SUPT16H: variants seen among roughly 807,000 people sequenced by gnomAD.
The protein encoded by SUPT16H is SPT16 homolog, facilitates chromatin remodeling subunit.
In SUPT16H, 24 loss-of-function variants were observed where a neutral mutation model predicts 136.2. That is an observed-to-expected ratio of 0.18 (90% confidence interval 0.13 to 0.25). SUPT16H has a LOEUF of 0.25. Among genes scored for constraint, SUPT16H ranks in the 10% least tolerant of loss-of-function variants. The pLI, the probability that SUPT16H is intolerant of heterozygous loss-of-function variation, is 1.00. For missense variants in SUPT16H, 623 were observed against 1,270.2 expected (o/e 0.49, Z 7.74); for synonymous variants, 415 against 428.2 (o/e 0.97, Z 0.38).
At chr14:21,381,360 T>C (rs1229121196) in intron 1 of SUPT16H, among the ~76,000 whole-genome samples, 1 of 152,194 alleles carries the variant, frequency 6.6e-6, no homozygotes, top group East Asian at 1.9e-4. Context: ...TAGGTAAGGT[T>C]AATTCCTATT....
chr14:21,368,238 C>CTTCCACT (rs777086171), intron 7 of SUPT16H, 31 bp downstream of exon 7: 2 of 1,588,954 alleles, frequency 1.3e-6, no homozygotes, highest in East Asian at 4.5e-5. Flanking sequence ...TGTTACACAA[C>CTTCCACT]TTTCAAACCT....
Position 21,362,942 on chromosome 14 carries a change from C to T in SUPT16H, c.1517G>A (p.Arg506His), listed in dbSNP as rs1185247895. The change falls in exon 14 of 26, where the codon CGC (arginine) becomes CAC (histidine). Residue 506 changes from arginine to histidine, a missense_variant. Around this residue, in one of 7 missense-constraint regions of SUPT16H, gnomAD observed 30 missense variants for 44.8 expected, o/e 0.67. Transcript: ENST00000216297. Reference sequence around the variant, plus strand: ...GTTTTTATAGGACACATTAGACTTGCGAGCTCTGGAGTGGGATAAAAAAAC... The same window carrying T: ...GTTTTTATAGGACACATTAGACTTGTGAGCTCTGGAGTGGGATAAAAAAAC... ...QKGEQQIQKA[R>H]KSNVSYKNPS... The T allele has an allele frequency of 4.3e-6, 7 of 1,613,170 alleles. No homozygotes were observed. Among genetic ancestry groups the T allele is most frequent in the Non-Finnish European group, 5.9e-6 (7 of 1,179,814 alleles).
At chr14:21,361,252 C>T (rs771513782) in intron 15 of SUPT16H, 39 bp from the exon 16 acceptor site, 84 of 1,608,452 alleles carry the variant, frequency 5.2e-5, no homozygotes, top group Non-Finnish European at 6.8e-5. Flanking sequence ...ATTTCTTTTT[C>T]AGGCCAGGGA....
At chr14:21,372,791 T>C (rs745434740) in intron 2 of SUPT16H, 4 of 388,782 alleles carry the variant, frequency 1.0e-5, no homozygotes, top group Middle Eastern at 3.7e-4. Context: ...GCTAAATCCA[T>C]ACTGATATTA....
At chr14:21,369,052 G>A in intron 6 of SUPT16H, 152 bp downstream of exon 6, 1 of 797,536 alleles carries the variant, frequency 1.3e-6, no homozygotes, top group East Asian at 2.8e-5. Context: ...TTGCACCTGG[G>A]TGATGGACAC....
chr14:21,368,183 T>C (rs1421646565), intron 7 of SUPT16H, 86 bp downstream of exon 7: 3 of 1,403,098 alleles, frequency 2.1e-6, no homozygotes, highest in East Asian at 2.3e-5. Flanking sequence ...CCTCCCAGTG[T>C]AGGGATTACA....
chr14:21,362,628 A>T (rs1255204204), intron 14 of SUPT16H, among the ~76,000 whole-genome samples, 166 bp downstream of exon 14: 2 of 152,238 alleles, frequency 1.3e-5, no homozygotes, highest in Admixed American at 6.5e-5. Flanking sequence ...AGTGAAAAAA[A>T]CTGAAAGAGG....
intron 2 of SUPT16H, 61 bp downstream of exon 2, chr14:21,373,277 T>C: frequency 4.6e-6 from 6 of 1,303,722 alleles, no homozygotes; most frequent in Non-Finnish European, 2.2e-6. Context: ...GCTACCATAC[T>C]GAACAGTGCA....
Position 21,354,421 on chromosome 14 carries a change from G to A in SUPT16H, c.2780C>T (p.Pro927Leu). Reference protein sequence around the residue: ...FEQGGWSFLEPEGEGSDAEEG... With the variant: ...FEQGGWSFLELEGEGSDAEEG... ...CCCACACTCACGCACCTCACCCTCAGGCTCCAGGAAAGACCAGCCACCTTG... is the reference window on the plus strand; with the variant it reads ...CCCACACTCACGCACCTCACCCTCAAGCTCCAGGAAAGACCAGCCACCTTG... Residue 927 changes from proline to leucine, a missense_variant, in exon 23 of 26, where the codon CCT becomes CTT. Physicochemically the swap from Pro to Leu is moderately conservative, Grantham distance 98. Transcript: ENST00000216297. The A allele has an allele frequency of 6.2e-7, 1 of 1,613,946 alleles. No individual in the cohort carries two copies. Among genetic ancestry groups the A allele is most frequent in the Non-Finnish European group, 8.5e-7 (1 of 1,179,936 alleles).
At chr14:21,355,513 TAAAAAAAAAA>T (rs59639210) in intron 22 of SUPT16H, among the ~76,000 whole-genome samples, 7 of 113,590 alleles carry the variant, frequency 6.2e-5, no homozygotes, top group Middle Eastern at 9.5e-3. Flanking sequence ...ATAATAATAA[TAAAAAAAAAA>T]AAAAAAAAAA....
intron 23 of SUPT16H, 66 bp downstream of exon 23, chr14:21,354,345 A>T: frequency 6.3e-7 from 1 of 1,591,372 alleles, no homozygotes; most frequent in Non-Finnish European, 8.6e-7. Flanking sequence ...CTCATATTCC[A>T]TTCTAACTGA....
intron 1 of SUPT16H, among the ~76,000 whole-genome samples, chr14:21,375,878 C>T (rs1886891487): frequency 6.6e-6 from 1 of 152,232 alleles, no homozygotes; most frequent in African/African-American, 2.4e-5. Flanking sequence ...CAGGTGTGAG[C>T]CACTGTGCCT....
rs753195561 is a variant in SUPT16H, at chr14:21,363,221, T to A, written c.1395+12A>T. The A allele has an allele frequency of 1.9e-6, 3 of 1,614,060 alleles. No individual in the cohort carries two copies. The highest frequency in any genetic ancestry group is 3.3e-5 in the Admixed American group (2 of 60,010). ...CAGCCGAGATCAATGTAATTTAAAA[T>A]AGTAAACTTACTCTTGTTCTTTCTG... On this transcript the variant is annotated intron_variant, in intron 12 of 25. Transcript: ENST00000216297.
chr14:21,358,517 T>C, intron 19 of SUPT16H, 90 bp from the exon 20 acceptor site: 1 of 902,320 alleles, frequency 1.1e-6, no homozygotes, highest in Non-Finnish European at 1.7e-6. Flanking sequence ...TGCTTTAAAA[T>C]AAAAATTCCA....
intron 6 of SUPT16H, among the ~76,000 whole-genome samples, chr14:21,368,665 G>A (rs911283008): frequency 1.3e-5 from 2 of 152,190 alleles, no homozygotes; most frequent in Admixed American, 6.5e-5. Flanking sequence ...TAAAAATTCA[G>A]TGAGTAAGTG....
chr14:21,370,019 G>T, intron 4 of SUPT16H, 123 bp from the exon 5 acceptor site: 1 of 1,185,658 alleles, frequency 8.4e-7, no homozygotes, highest in Non-Finnish European at 1.2e-6. Context: ...CTGGTTTGCA[G>T]AATATTCAAA....
chr14:21,373,499 T>C (rs1320086337), intron 1 of SUPT16H, 69 bp from the exon 2 acceptor site: 1 of 1,130,488 alleles, frequency 8.8e-7, no homozygotes, highest in East Asian at 2.4e-5. Context: ...CTTCAATATT[T>C]ATCTAGGACA....
intron 14 of SUPT16H, 90 bp downstream of exon 14, chr14:21,362,704 A>G (rs1475036617): frequency 1.4e-6 from 2 of 1,422,546 alleles, no homozygotes; most frequent in Non-Finnish European, 1.9e-6. Context: ...CAAAAGTGGG[A>G]GACATGATGA....
At chr14:21,367,640 T>C (rs1033543406) in intron 7 of SUPT16H, among the ~76,000 whole-genome samples, 13 of 152,210 alleles carry the variant, frequency 8.5e-5, no homozygotes, top group African/African-American at 3.1e-4. Flanking sequence ...ATATATCCTG[T>C]AGGTAGAGAT....
Sources: gnomAD v4.1 joint callset for allele counts (sites outside exome capture counted in the v4.1 genomes callset) on GRCh38, gnomAD v4.1.1 for gene constraint, gnomAD v4.1.1 regional missense constraint, MANE v1.5 for transcripts, NCBI Gene and HGNC (gene_info 2026-07-23, HGNC 2026-07-21) for gene names.